PELI2: variants seen among roughly 807,000 people sequenced by gnomAD.
PELI2 encodes E3 ubiquitin-protein ligase pellino homolog 2.
Under a neutral mutation model 42.3 loss-of-function variants are expected in PELI2, and 23 were observed. The ratio of observed to expected loss-of-function variants is 0.54; its 90% CI spans 0.39 to 0.77. PELI2 has a LOEUF of 0.77. PELI2 is among the 30% of genes least tolerant of loss of function. The probability of loss-of-function intolerance (pLI) is 0.00; values close to 1 mark genes in which losing one functional copy is unlikely to be tolerated. For synonymous variants in PELI2, 245 were observed against 212.2 expected (o/e 1.15, Z -1.34); for missense variants, 463 against 553.2 (o/e 0.84, Z 1.64).
At chr14:56,196,343 G>A (rs242401) in intron 2 of PELI2, among the ~76,000 whole-genome samples, 127,053 of 152,222 alleles carry the variant, frequency 0.83, 53,600 homozygotes, top group African/African-American at 0.96. Context: ...TTCTAAGTCT[G>A]TGTTTACTAA....
Position 56,296,953 on chromosome 14 carries a change from C to G in PELI2, c.1050C>G (p.Gly350=). ...GCCCCTATGTGCCTCTCTGGCTTGG[C>G]TGTGAGGCAGGATTTTATGTAGACG... The part of the protein sequence containing the change: ...TVGPYVPLWL[G]CEAGFYVDAG... Residue 350 remains glycine, a synonymous_variant, in exon 6 of 6, where the codon GGC becomes GGG. Transcript: ENST00000267460. The G allele has an allele frequency of 6.2e-7, 1 of 1,614,108 alleles. No individual in the cohort carries two copies. The highest frequency in any genetic ancestry group is 8.5e-7 in the Non-Finnish European group (1 of 1,179,986).
chr14:56,118,780 G>T, intron 1 of PELI2, 43 bp downstream of exon 1: 2 of 1,330,932 alleles, frequency 1.5e-6, no homozygotes, highest in Non-Finnish European at 2.0e-6. Flanking sequence ...GCGCGGGCGG[G>T]GAGCGCCCGC....
chr14:56,289,248 C>T (rs981759965), intron 4 of PELI2, among the ~76,000 whole-genome samples: 8 of 152,116 alleles, frequency 5.3e-5, no homozygotes, highest in Non-Finnish European at 1.2e-4. Context: ...CGATGAAGGC[C>T]AGCTCCAGGG....
intron 2 of PELI2, among the ~76,000 whole-genome samples, chr14:56,229,213 C>G (rs1319767061): frequency 6.6e-6 from 1 of 152,232 alleles, no homozygotes; most frequent in Non-Finnish European, 1.5e-5. Context: ...CAGACTTAAG[C>G]ATCCCTGTCT....
chr14:56,152,910 C>A (rs1265495139), intron 1 of PELI2, among the ~76,000 whole-genome samples: 1 of 152,072 alleles, frequency 6.6e-6, no homozygotes, highest in African/African-American at 2.4e-5. Flanking sequence ...TTTCTCACTC[C>A]TTTTTCTGCA....
At chr14:56,258,395 T>C (rs2139830018) in intron 2 of PELI2, among the ~76,000 whole-genome samples, 1 of 148,776 alleles carries the variant, frequency 6.7e-6, no homozygotes, top group South Asian at 2.1e-4. Context: ...GGAAAATAAA[T>C]CAATAGAAAC....
chr14:56,249,403 G>A (rs893311935), intron 2 of PELI2, among the ~76,000 whole-genome samples: 5 of 152,092 alleles, frequency 3.3e-5, no homozygotes, highest in East Asian at 1.9e-4. Context: ...CAGTGTGAAA[G>A]CCTCTCCTCC....
chr14:56,126,005 A>G (rs1883244743), intron 1 of PELI2, among the ~76,000 whole-genome samples: 3 of 152,214 alleles, frequency 2.0e-5, no homozygotes, highest in Admixed American at 1.3e-4. Context: ...TTTGTAAACA[A>G]TCCTACCAAC....
intron 2 of PELI2, among the ~76,000 whole-genome samples, chr14:56,199,557 T>C (rs1886257992): frequency 6.6e-6 from 1 of 152,238 alleles, no homozygotes; most frequent in Non-Finnish European, 1.5e-5. Flanking sequence ...ATGGTTCTTC[T>C]TGTTGATTTC....
At chr14:56,162,484 A>G (rs1047424847) in intron 1 of PELI2, among the ~76,000 whole-genome samples, 9 of 152,152 alleles carry the variant, frequency 5.9e-5, no homozygotes, top group Non-Finnish European at 1.2e-4. Flanking sequence ...CATTGCGTAT[A>G]TGTACATTTT....
intron 1 of PELI2, among the ~76,000 whole-genome samples, chr14:56,125,566 C>T (rs1205360386): frequency 6.6e-6 from 1 of 151,742 alleles, no homozygotes; most frequent in Non-Finnish European, 1.5e-5. Flanking sequence ...ACTTTTTTTT[C>T]TGTTTAAGCC....
At chr14:56,217,774 T>C (rs1490088868) in intron 2 of PELI2, among the ~76,000 whole-genome samples, 22 of 152,194 alleles carry the variant, frequency 1.4e-4, no homozygotes, top group Admixed American at 1.4e-3. Context: ...TCTCCTCTCT[T>C]GGCCCAACGT....
chr14:56,242,436 G>T (rs1300214632), intron 2 of PELI2, among the ~76,000 whole-genome samples: 1 of 152,158 alleles, frequency 6.6e-6, no homozygotes, highest in African/African-American at 2.4e-5. Flanking sequence ...GAGGTCAAAA[G>T]TAACATGTAA....
chr14:56,191,883 G>A lies in PELI2; in HGVS notation c.207+13419G>A, dbSNP rs183823714. 2.7e-3 allele frequency among the ~76,000 whole-genome samples: 410 copies of A among 152,244 alleles called. 3 individuals carry two copies. The highest frequency in any genetic ancestry group is 8.2e-3 in the African/African-American group (341 of 41,540). On this transcript the variant is annotated intron_variant, in intron 2 of 5. Transcript: ENST00000267460. ...AGAGTGTCGCTCTGTCACCCAGGCT[G>A]TACTCACACTGCACACCCAGGAGTG...
rs1483797793 is a variant in PELI2, at chr14:56,180,837, G to C, written c.207+2373G>C. Among the ~76,000 whole-genome samples the C allele has an allele frequency of 6.6e-6, 1 of 152,060 alleles. No individual in the cohort carries two copies. Among genetic ancestry groups the C allele is most frequent in the East Asian group, 1.9e-4 (1 of 5,186 alleles). ...CTGCTCTGTTGGCACCTTCTACCTT[G>C]GAGCTCCAGCCAGTTGTGAACTCAG... On this transcript the variant is annotated intron_variant, in intron 2 of 5. Transcript: ENST00000267460. This position sits in a 1 kb window ranked among gnomAD's most constrained non-coding sequence, Gnocchi z 4.4.
chr14:56,269,929 C>A (rs1266549525), intron 2 of PELI2, among the ~76,000 whole-genome samples: 1 of 152,228 alleles, frequency 6.6e-6, no homozygotes, highest in Non-Finnish European at 1.5e-5. Context: ...CAAGTCAGAT[C>A]ATCTTCTGAA....
chr14:56,279,576 G>A (rs1889405515), intron 2 of PELI2, 100 bp from the exon 3 acceptor site: 2 of 620,772 alleles, frequency 3.2e-6, no homozygotes, highest in Non-Finnish European at 5.6e-6. Flanking sequence ...GCTGGCTTGT[G>A]CTGGGCTTTG....
At chr14:56,141,159 GA>G (rs1231321487) in intron 1 of PELI2, among the ~76,000 whole-genome samples, 1 of 152,164 alleles carries the variant, frequency 6.6e-6, no homozygotes, top group African/African-American at 2.4e-5. Flanking sequence ...TTGCATAGAT[GA>G]AACTAAAACT....
intron 1 of PELI2, among the ~76,000 whole-genome samples, chr14:56,172,562 G>T (rs1472728498): frequency 6.6e-6 from 1 of 152,200 alleles, no homozygotes; most frequent in East Asian, 1.9e-4. Context: ...AGGGGAGGTT[G>T]GTTGGTGTGC....
Sources: gnomAD v4.1 joint callset for allele counts (sites outside exome capture counted in the v4.1 genomes callset) on GRCh38, gnomAD v4.1.1 for gene constraint, Gnocchi (gnomAD v3.1) non-coding constraint, MANE v1.5 for transcripts, NCBI Gene and HGNC (gene_info 2026-07-23, HGNC 2026-07-21) for gene names.